MCOLN1: variants seen among roughly 807,000 people sequenced by gnomAD.
The protein encoded by MCOLN1 is mucolipin-1.
A neutral mutation model predicts 70.3 loss-of-function variants in MCOLN1; 50 were observed. The ratio of observed to expected loss-of-function variants is 0.71; its 90% CI spans 0.57 to 0.90. The LOEUF is 0.90. MCOLN1 is among the 40% of genes least tolerant of loss of function. MCOLN1 has a pLI of 0.00. For synonymous variants in MCOLN1, 366 were observed against 341.0 expected (o/e 1.07, Z -0.81); for missense variants, 598 against 803.5 (o/e 0.74, Z 3.09).
At chr19:7,527,691 C>T in intron 5 of MCOLN1, 63 bp downstream of exon 5, 1 of 1,221,670 alleles carries the variant, frequency 8.2e-7, no homozygotes, top group Non-Finnish European at 1.2e-6. Flanking sequence ...GCACTCTCAC[C>T]CCAGCAACTA....
chr19:7,529,360 G>A (rs966044302), intron 10 of MCOLN1, among the ~76,000 whole-genome samples, 158 bp downstream of exon 10: 4 of 152,106 alleles, frequency 2.6e-5, no homozygotes, highest in Admixed American at 2.0e-4. Context: ...CTGCACCTGC[G>A]CGGGGCCCCG....
Position 7,525,200 on chromosome 19 carries a change from G to C in MCOLN1, c.237+34G>C, listed in dbSNP as rs773427199. The C allele has an allele frequency of 7.0e-6, 11 of 1,581,872 alleles. No individual in the cohort carries two copies. The highest frequency in any genetic ancestry group is 9.5e-6 in the Non-Finnish European group (11 of 1,152,714). On this transcript the variant is annotated intron_variant, in intron 2 of 13. Coordinates refer to ENST00000264079, the MANE Select transcript of MCOLN1 (RefSeq NM_020533.3). The surrounding 1 kb of genome is among the most constrained non-coding windows in gnomAD (Gnocchi z 4.2). Reference sequence around the variant, plus strand: ...AGCCAAGCAGGGGCCCCAGCTGAAGGCCACCTGTGGCTGCTGTGCTCCTTG... The same window carrying C: ...AGCCAAGCAGGGGCCCCAGCTGAAGCCCACCTGTGGCTGCTGTGCTCCTTG...
At chr19:7,532,783 C>G (rs1254965583) in intron 12 of MCOLN1, among the ~76,000 whole-genome samples, 1 of 152,198 alleles carries the variant, frequency 6.6e-6, no homozygotes, top group African/African-American at 2.4e-5. Flanking sequence ...TAGCCTCTGA[C>G]TTGCACCATC....
At position 7,528,039 on chromosome 19, in the gene MCOLN1, C is replaced by A; in HGVS notation, c.777+79C>A. 6.5e-7 allele frequency: 1 copy of A among 1,535,224 alleles called. No homozygotes were observed. The highest frequency in any genetic ancestry group is 9.0e-7 in the Non-Finnish European group (1 of 1,108,544). On this transcript the variant is annotated intron_variant, in intron 6 of 13. Transcript: ENST00000264079. The surrounding 1 kb of genome is among the most constrained non-coding windows in gnomAD (Gnocchi z 4.2). ...TCAGGGAGTGTCTTGGGAGCACTGG[C>A]CAAGGGCAAGCGTGCGGGTGATGAG...
chr19:7,526,778 C>T lies in MCOLN1; in HGVS notation c.423C>T (p.Asp141=), dbSNP rs747386198. 3.4e-5 allele frequency: 55 copies of T among 1,613,960 alleles called. No individual in the cohort carries two copies. The highest frequency in any genetic ancestry group is 6.7e-5 in the Admixed American group (4 of 59,986). ...HAVDQYLALP[D]VSLGRYAYVR... ...GCCCACAGTACCTGGCGTTGCCTGA[C>T]GTGTCACTGGGCCGGTATGCGTATG... The change falls in exon 4 of 14, where the codon GAC becomes GAT. Residue 141 remains aspartate (D), a synonymous_variant. Transcript: ENST00000264079. This position sits in a 1 kb window ranked among gnomAD's most constrained non-coding sequence, Gnocchi z 4.6.
intron 11 of MCOLN1, 100 bp from the exon 12 acceptor site, chr19:7,530,186 C>G: frequency 1.9e-6 from 2 of 1,076,300 alleles, no homozygotes; most frequent in Non-Finnish European, 2.8e-6. Flanking sequence ...GGGGCCCCAG[C>G]CACCAGCTCC....
intron 12 of MCOLN1, among the ~76,000 whole-genome samples, chr19:7,530,844 A>G (rs2022645231): frequency 6.6e-6 from 1 of 152,136 alleles, no homozygotes; most frequent in Non-Finnish European, 1.5e-5. Flanking sequence ...CCCGGGTTCA[A>G]GCAATTCTGT....
chr19:7,525,919 T>A lies in MCOLN1; in HGVS notation c.238-520T>A. On this transcript the variant is annotated intron_variant, in intron 2 of 13. Coordinates refer to ENST00000264079, the MANE Select transcript of MCOLN1 (RefSeq NM_020533.3). This position sits in a 1 kb window ranked among gnomAD's most constrained non-coding sequence, Gnocchi z 4.2. The stretch of plus-strand genomic sequence containing the variant: ...CTCTACTAAAAATACAAAAATTAGC[T>A]GGGTTTGGTGGCAGGTACCTGTAAC... 1 of 184,314 alleles carries A rather than the reference T, an allele frequency of 5.4e-6. No homozygotes were observed. Among genetic ancestry groups the A allele is most frequent in the Non-Finnish European group, 1.2e-5 (1 of 86,278 alleles). 11.4% of individuals were successfully genotyped at this position (184,314 alleles called of 1,614,324 possible). A position where few individuals can be genotyped will look rare whatever the true frequency, so the allele number is the denominator to read the frequency against.
At chr19:7,527,313 A>T in intron 4 of MCOLN1, 2 of 528,526 alleles carry the variant, frequency 3.8e-6, no homozygotes, top group Non-Finnish European at 3.4e-6. Flanking sequence ...GCTTAGTGTG[A>T]GTGTGACTCT....
rs75644222 is a variant in MCOLN1, at chr19:7,528,882, A to T, written c.1046A>T (p.Glu349Val). ...GRVISLWERL[E>V]FVNGWYILLV... ...GTCATCAGCCTGTGGGAGCGGCTGG[A>T]ATTTGTCAATGGCTGGTACATCCTG... The change falls in exon 9 of 14, where the codon GAA (glutamate) becomes GTA (valine). Residue 349 changes from glutamate (E) to valine (V), a missense_variant. Transcript: ENST00000264079. The surrounding 1 kb of genome is among the most constrained non-coding windows in gnomAD (Gnocchi z 4.2). The T allele has an allele frequency of 6.2e-7, 1 of 1,613,386 alleles. No individual in the cohort carries two copies. Among genetic ancestry groups the T allele is most frequent in the East Asian group, 2.2e-5 (1 of 44,806 alleles).
chr19:7,528,355 C>A lies in MCOLN1; in HGVS notation c.877+98C>A, dbSNP rs2022603277. The A allele has an allele frequency of 8.4e-7, 1 of 1,187,086 alleles. No individual in the cohort carries two copies. Among genetic ancestry groups the A allele is most frequent in the Non-Finnish European group, 1.2e-6 (1 of 809,326 alleles). The allele number at this position is 1,187,086 out of a possible 1,614,324, so 73.5% of individuals were successfully genotyped here. A position where few individuals can be genotyped will look rare whatever the true frequency, so the allele number is the denominator to read the frequency against. On this transcript the variant is annotated intron_variant, in intron 7 of 13. Transcript: ENST00000264079. The surrounding 1 kb of genome is among the most constrained non-coding windows in gnomAD (Gnocchi z 4.2). ...CAGCGCTGCCTGGGGGCCGTGACCTCCCCAGGAATCCGCTGAGCCTCAGAT... is the reference window on the plus strand; with the variant it reads ...CAGCGCTGCCTGGGGGCCGTGACCTACCCAGGAATCCGCTGAGCCTCAGAT...
intron 12 of MCOLN1, among the ~76,000 whole-genome samples, chr19:7,533,004 C>A (rs2146028790): frequency 6.6e-6 from 1 of 152,356 alleles, no homozygotes; most frequent in East Asian, 1.9e-4. Flanking sequence ...GGAAGGAAGC[C>A]TTGGCTGGGA....
At chr19:7,529,251 C>A in intron 10 of MCOLN1, 49 bp downstream of exon 10, 1 of 1,514,636 alleles carries the variant, frequency 6.6e-7, no homozygotes, top group South Asian at 1.1e-5. Flanking sequence ...ACTCCACACC[C>A]TCCAAATAAA....
At position 7,526,246 on chromosome 19, in the gene MCOLN1, G is replaced by T. The variant is rs1384368868; in HGVS notation, c.238-193G>T. On this transcript the variant is annotated intron_variant, in intron 2 of 13. Coordinates refer to ENST00000264079, the MANE Select transcript of MCOLN1 (RefSeq NM_020533.3). The surrounding 1 kb of genome is among the most constrained non-coding windows in gnomAD (Gnocchi z 4.6). ...CGTGGCATGGAGCTTATGCCAGGAG[G>T]TGGGGTGAAATTAATCAAAGCAAAG... 1.5e-5 allele frequency: 10 copies of T among 683,872 alleles called. No individual in the cohort carries two copies. The highest frequency in any genetic ancestry group is 2.2e-5 in the Admixed American group (1 of 45,554). The allele number at this position is 683,872 out of a possible 1,614,324, so 42.4% of individuals were successfully genotyped here. A position where few individuals can be genotyped will look rare whatever the true frequency, so the allele number is the denominator to read the frequency against.
intron 5 of MCOLN1, 104 bp downstream of exon 5, chr19:7,527,732 C>T (rs1313923367): frequency 9.3e-7 from 1 of 1,080,720 alleles, no homozygotes; most frequent in East Asian, 2.4e-5. Flanking sequence ...GGCCCCCCCG[C>T]CCGCGCTGGT....
Position 7,525,328 on chromosome 19 carries a change from C to G in MCOLN1, c.237+162C>G. The G allele has an allele frequency of 1.5e-6, 1 of 687,816 alleles. No individual in the cohort carries two copies. Among genetic ancestry groups the G allele is most frequent in the South Asian group, 1.6e-5 (1 of 63,826 alleles). The allele number at this position is 687,816 out of a possible 1,614,324, so 42.6% of individuals were successfully genotyped here. A position where few individuals can be genotyped will look rare whatever the true frequency, so the allele number is the denominator to read the frequency against. ...CCAGCATGGTGAAACCCCATCTCTA[C>G]TAAAAATACAAAAAAATTAGCCGTG... On this transcript the variant is annotated intron_variant, in intron 2 of 13. Coordinates refer to ENST00000264079, the MANE Select transcript of MCOLN1 (RefSeq NM_020533.3). This position sits in a 1 kb window ranked among gnomAD's most constrained non-coding sequence, Gnocchi z 4.2.
intron 12 of MCOLN1, chr19:7,533,249 C>T (rs895058709): frequency 2.3e-5 from 13 of 570,842 alleles, no homozygotes; most frequent in Non-Finnish European, 3.8e-5. Context: ...GCATCGAGGT[C>T]ATGTCAGCCC....
chr19:7,525,107 G>C lies in MCOLN1; in HGVS notation c.178G>C (p.Gly60Arg), dbSNP rs1202097683. 1.2e-6 allele frequency: 2 copies of C among 1,614,152 alleles called. No homozygotes were observed. The highest frequency in any genetic ancestry group is 1.3e-5 in the African/African-American group (1 of 75,050). ...TCCCTGCGACAAGTTTCGAGCCAAG[G>C]GCCGCAAGCCCTGCAAGCTGATGCT... ...MSPCDKFRAKGRKPCKLMLQV... is the reference protein window; with the variant it reads ...MSPCDKFRAKRRKPCKLMLQV... Residue 60 changes from glycine (G) to arginine (R), a missense_variant, in exon 2 of 14, where the codon GGC becomes CGC. Gly to Arg is a moderately radical substitution (Grantham distance 125, BLOSUM62 -2). Transcript: ENST00000264079. This position sits in a 1 kb window ranked among gnomAD's most constrained non-coding sequence, Gnocchi z 4.2.
intron 12 of MCOLN1, among the ~76,000 whole-genome samples, chr19:7,531,665 CTTTA>C (rs940360610): frequency 5.3e-5 from 8 of 151,752 alleles, no homozygotes; most frequent in South Asian, 2.1e-4. Flanking sequence ...AGGTTAGCTT[CTTTA>C]TTTATTTATT....
Sources: allele counts gnomAD v4.1 joint callset (sites outside exome capture counted in the v4.1 genomes callset), GRCh38; gene constraint gnomAD v4.1.1; non-coding constraint Gnocchi (gnomAD v3.1); transcripts MANE v1.5; gene names NCBI Gene and HGNC (gene_info 2026-07-23, HGNC 2026-07-21).